The following RNF38 variants were observed in gnomAD, a reference collection of about 807,000 sequenced individuals.
RNF38 encodes the protein ring finger protein 38, also known as E3 ubiquitin-protein ligase RNF38.
Under a neutral mutation model 67.2 loss-of-function variants are expected in RNF38, and 15 were observed. The ratio of observed to expected loss-of-function variants is 0.22; its 90% CI spans 0.15 to 0.34. The LOEUF (loss-of-function observed/expected upper bound fraction) is 0.34, where lower values mean the gene tolerates loss of function less well. RNF38 is among the 10% of genes least tolerant of loss of function. The probability of loss-of-function intolerance (pLI) is 1.00; values close to 1 mark genes in which losing one functional copy is unlikely to be tolerated. For synonymous variants in RNF38, 220 were observed against 218.8 expected, an observed-to-expected ratio of 1.01 and a Z score of -0.05; for missense variants, 524 against 639.9, an observed-to-expected ratio of 0.82 and a Z score of 1.95.
chr9:36,385,453 A>C (rs1836544213), intron 2 of RNF38, among the ~76,000 whole-genome samples: 1 of 149,530 alleles, frequency 6.7e-6, no homozygotes, highest in Non-Finnish European at 1.5e-5. Context: ...ATCTCGGCTC[A>C]CAGTAACCTC....
chr9:36,428,776 T>C (rs1838854481), intron 1 of RNF38, among the ~76,000 whole-genome samples: 1 of 152,028 alleles, frequency 6.6e-6, no homozygotes, highest in Non-Finnish European at 1.5e-5. Flanking sequence ...TCTTGAAAGG[T>C]CCATTCTAAA....
intron 1 of RNF38, among the ~76,000 whole-genome samples, chr9:36,433,257 C>G (rs1173215663): frequency 2.0e-5 from 3 of 151,414 alleles, no homozygotes; most frequent in African/African-American, 7.3e-5. Flanking sequence ...ATTATACATT[C>G]TAAAATAACT....
intron 4 of RNF38, among the ~76,000 whole-genome samples, chr9:36,361,059 T>C (rs4879987): frequency 0.95 from 144,567 of 152,174 alleles, 69,074 homozygotes; most frequent in East Asian, 1. Context: ...TCATGTGATC[T>C]GCCCACTTCA....
intron 9 of RNF38, among the ~76,000 whole-genome samples, chr9:36,348,943 G>A (rs1195414339): frequency 6.6e-6 from 1 of 151,620 alleles, no homozygotes; most frequent in Non-Finnish European, 1.5e-5. Context: ...GGCAGTGCCT[G>A]GCTTCAAAGA....
At chr9:36,361,722 C>T (rs1198640458) in intron 4 of RNF38, among the ~76,000 whole-genome samples, 1 of 152,124 alleles carries the variant, frequency 6.6e-6, no homozygotes, top group African/African-American at 2.4e-5. Flanking sequence ...GGTTCAGTGC[C>T]ATCAAGGGAG....
chr9:36,446,910 C>G (rs147761019), intron 1 of RNF38, among the ~76,000 whole-genome samples: 1,609 of 143,816 alleles, frequency 0.011, 29 homozygotes, highest in African/African-American at 0.039. Context: ...CACTTGAGGT[C>G]AGGAGTTCGA....
At chr9:36,372,546 G>A (rs1442197772) in intron 3 of RNF38, 3 of 714,912 alleles carry the variant, frequency 4.2e-6, no homozygotes, top group Non-Finnish European at 7.8e-6. Flanking sequence ...CATCTGCTTG[G>A]CACAGCCTGT....
chr9:36,443,589 TTAAC>T (rs1298008244), intron 1 of RNF38, among the ~76,000 whole-genome samples: 1 of 152,206 alleles, frequency 6.6e-6, no homozygotes, highest in East Asian at 1.9e-4. Flanking sequence ...AGATAAAGAC[TTAAC>T]TAACATTCAA....
In RNF38 at chr9:36,366,838, T is replaced by C. The variant is rs59279024; in HGVS notation, c.570+2881A>G. Among the ~76,000 whole-genome samples the C allele has an allele frequency of 6.4e-3, 971 of 152,316 alleles. 13 individuals carry two copies. Among genetic ancestry groups the C allele is most frequent in the African/African-American group, 0.022 (928 of 41,556 alleles). On this transcript the variant is annotated intron_variant, in intron 4 of 11. Transcript: ENST00000259605. ...TCATGTACCGAGTTAACTTTGTTTA[T>C]TGCTCGCTGTTCTTGAAAAATTATT...
Position 36,337,776 on chromosome 9 carries a change from A to G in RNF38, c.*1976T>C, listed in dbSNP as rs1331836479. ...AGGTGAGGGATATCCTAATGATTTA[A>G]AAGTAACATGTGCATTAACCATGTG... On this transcript the variant is annotated 3_prime_UTR_variant, in exon 12 of 12. Transcript: ENST00000259605. The G allele has an allele frequency of 1.3e-5, 2 of 152,628 alleles. No homozygotes were observed. Among genetic ancestry groups the G allele is most frequent in the African/African-American group, 4.8e-5 (2 of 41,450 alleles). 9.5% of individuals were successfully genotyped at this position (152,628 alleles called of 1,614,324 possible).
Position 36,353,331 on chromosome 9 carries a change from G to T in RNF38, c.910C>A (p.Pro304Thr). ...ACTTCATTTTCTATCCTTTGCAGAG[G>T]CTGAGGAGGGGGAAAAAAAAACACA... ...VPFQTQQSRS[P>T]LQRIENEVEL... The change falls in exon 7 of 12, where the codon CCT becomes ACT. Residue 304 changes from proline to threonine, a missense_variant and splice_region_variant. By Grantham distance (38) the Pro-to-Thr change is conservative. Transcript: ENST00000259605. 1 of 1,581,876 alleles carries T rather than the reference G, an allele frequency of 6.3e-7. No individual in the cohort carries two copies. Among genetic ancestry groups the T allele is most frequent in the African/African-American group, 1.4e-5 (1 of 72,922 alleles).
At chr9:36,393,654 A>G (rs1300439263) in intron 1 of RNF38, among the ~76,000 whole-genome samples, 1 of 152,076 alleles carries the variant, frequency 6.6e-6, no homozygotes, top group Non-Finnish European at 1.5e-5. Flanking sequence ...AGGTTAAATC[A>G]TATGACAAAG....
At chr9:36,356,225 T>C (rs1436371772) in intron 6 of RNF38, 78 bp downstream of exon 6, 6 of 1,375,314 alleles carry the variant, frequency 4.4e-6, no homozygotes, top group Non-Finnish European at 6.1e-6. Context: ...TAAGGTTATA[T>C]ACCTGGCCTA....
chr9:36,399,271 C>A (rs955161417), intron 1 of RNF38, among the ~76,000 whole-genome samples: 1 of 152,114 alleles, frequency 6.6e-6, no homozygotes, highest in Non-Finnish European at 1.5e-5. Context: ...GGAAAACCCA[C>A]AGATTATTTA....
At chr9:36,370,892 G>C (rs1212854606) in intron 3 of RNF38, among the ~76,000 whole-genome samples, 1 of 151,972 alleles carries the variant, frequency 6.6e-6, no homozygotes, top group Non-Finnish European at 1.5e-5. Flanking sequence ...CTGGGCGACA[G>C]AGTGAGACCA....
chr9:36,435,623 G>T (rs1564061934), intron 1 of RNF38, among the ~76,000 whole-genome samples: 2 of 141,824 alleles, frequency 1.4e-5, no homozygotes, highest in African/African-American at 5.2e-5. Flanking sequence ...GTGAATGGAG[G>T]TTTTTTTTTT....
At chr9:36,413,104 C>T (rs1180136022) in intron 2 of RNF38, among the ~76,000 whole-genome samples, 1 of 151,814 alleles carries the variant, frequency 6.6e-6, no homozygotes, top group Admixed American at 6.6e-5. Context: ...TGGCAGGTGT[C>T]TGTAATCCCA....
intron 2 of RNF38, among the ~76,000 whole-genome samples, chr9:36,412,786 A>T (rs904157865): frequency 6.6e-6 from 1 of 151,950 alleles, no homozygotes; most frequent in African/African-American, 2.4e-5. Context: ...AAATACAAAA[A>T]TTAGGGTCAG....
intron 9 of RNF38, among the ~76,000 whole-genome samples, 180 bp downstream of exon 9, chr9:36,350,935 A>G (rs987944170): frequency 6.6e-6 from 1 of 152,102 alleles, no homozygotes; most frequent in African/African-American, 2.4e-5. Flanking sequence ...GCAAATTTTT[A>G]AAAGGTTATT....
Sources: allele counts gnomAD v4.1 joint callset (sites outside exome capture counted in the v4.1 genomes callset), GRCh38; gene constraint gnomAD v4.1.1; transcripts MANE v1.5; gene names NCBI Gene and HGNC (gene_info 2026-07-23, HGNC 2026-07-21).